Variants in ASB16 observed in about 807,000 individuals in gnomAD.
ASB16 encodes ankyrin repeat and SOCS box protein 16.
In ASB16, 44 loss-of-function variants were observed where a neutral mutation model predicts 39.1. The ratio of observed to expected loss-of-function variants is 1.13; its 90% CI spans 0.88 to 1.45. ASB16 has a LOEUF of 1.45. Ranked by LOEUF, ASB16 falls within the 40% of genes most tolerant of loss-of-function variation. ASB16 has a pLI of 0.00. For synonymous variants in ASB16, 305 were observed against 286.7 expected, an observed-to-expected ratio of 1.06 and a Z score of -0.64; for missense variants, 698 against 634.5, an observed-to-expected ratio of 1.10 and a Z score of -1.07.
In ASB16 at chr17:44,178,261, G is replaced by T; in HGVS notation, c.1233G>T (p.Leu411=). The T allele has an allele frequency of 6.2e-7, 1 of 1,613,510 alleles. No homozygotes were observed. The highest frequency in any genetic ancestry group is 8.5e-7 in the Non-Finnish European group (1 of 1,179,956). ...ALCMVNQPRQ[L]QHLARLAVRA... is the part of the protein sequence containing the mutation. ...GCATGGTGAACCAGCCAAGGCAGCT[G>T]CAGCACCTGGCCCGACTAGCTGTGC... The change falls in exon 5 of 5, where the codon CTG becomes CTT. Residue 411 remains leucine (L), a synonymous_variant. Coordinates refer to ENST00000293414, the MANE Select transcript of ASB16 (RefSeq NM_080863.5).
In ASB16 at chr17:44,177,118, G is replaced by A. The variant is rs1037163759; in HGVS notation, c.950G>A (p.Gly317Asp). Residue 317 changes from glycine (G) to aspartate (D), a missense_variant, in exon 3 of 5, where the codon GGC becomes GAC. By Grantham distance (94) the Gly-to-Asp change is moderately conservative (BLOSUM62 -1). Coordinates refer to ENST00000293414, the MANE Select transcript of ASB16 (RefSeq NM_080863.5). ...CGCGCTGAGGTCCCCAATGGGGCGG[G>A]CCACACGCCCATGGACTGTGCGCTG... ...GARAEVPNGA[G>D]HTPMDCALQA... The A allele has an allele frequency of 6.7e-7, 1 of 1,490,220 alleles. No individual in the cohort carries two copies. 92.3% of individuals were successfully genotyped at this position (1,490,220 alleles called of 1,614,324 possible). A position where few individuals can be genotyped will look rare whatever the true frequency, so the allele number is the denominator to read the frequency against.
intron 2 of ASB16, among the ~76,000 whole-genome samples, chr17:44,175,394 T>G (rs2054279345): frequency 1.2e-5 from 1 of 85,808 alleles, no homozygotes; most frequent in Non-Finnish European, 2.0e-5. Context: ...AGAATGAGAC[T>G]CCATCTAAAA....
intron 4 of ASB16, 61 bp from the exon 5 acceptor site, chr17:44,178,144 G>A (rs901651506): frequency 9.5e-6 from 15 of 1,576,420 alleles, no homozygotes; most frequent in Admixed American, 3.4e-5. Context: ...GACCCCCACC[G>A]CTGGGTTGCC....
At position 44,177,057 on chromosome 17, in the gene ASB16, G is replaced by A. The variant is rs768969452; in HGVS notation, c.889G>A (p.Gly297Arg). 12 of 1,473,116 alleles carry A rather than the reference G, an allele frequency of 8.1e-6. No homozygotes were observed. The highest frequency in any genetic ancestry group is 7.4e-5 in the African/African-American group (5 of 67,406). The allele number at this position is 1,473,116 out of a possible 1,614,324, so 91.3% of individuals were successfully genotyped here. A position where few individuals can be genotyped will look rare whatever the true frequency, so the allele number is the denominator to read the frequency against. ...GCACAACGCTTGTGCCAACGGCTGC[G>A]GGGGCCTGGCCGAGCTGCTGCTGCG... is the stretch of plus-strand genomic sequence containing the variant. ...PLHNACANGC[G>R]GLAELLLRYG... Residue 297 changes from glycine to arginine, a missense_variant, in exon 3 of 5, where the codon GGG becomes AGG. Coordinates refer to ENST00000293414, the MANE Select transcript of ASB16 (RefSeq NM_080863.5).
rs1197687884 is a variant in ASB16, at chr17:44,172,206, CCA to C, written c.463_464del (p.Gln155ValfsTer2). ...AALHEACARA[Q>X]FDCVRLLLTF... ...CCTTGCATGAGGCCTGTGCCCGAGCCCAGTTTGACTGTGTGCGGCTGCTGCTG... is the reference window on the plus strand; with the variant it reads ...CCTTGCATGAGGCCTGTGCCCGAGCCGTTTGACTGTGTGCGGCTGCTGCTG... On this transcript the variant is annotated frameshift_variant, in exon 2 of 5. Coordinates refer to ENST00000293414, the MANE Select transcript of ASB16 (RefSeq NM_080863.5). LOFTEE classifies it high-confidence loss of function. The C allele has an allele frequency of 1.9e-6, 3 of 1,613,534 alleles. No individual in the cohort carries two copies. Among genetic ancestry groups the C allele is most frequent in the African/African-American group, 2.7e-5 (2 of 74,918 alleles).
intron 3 of ASB16, 88 bp downstream of exon 3, chr17:44,177,318 C>A (rs1458637715): frequency 2.1e-6 from 3 of 1,440,046 alleles, no homozygotes; most frequent in Admixed American, 5.7e-5. Flanking sequence ...ACAGAGGGTC[C>A]AAGAGACTGA....
At chr17:44,175,179 C>T (rs2054277365) in intron 2 of ASB16, among the ~76,000 whole-genome samples, 1 of 149,602 alleles carries the variant, frequency 6.7e-6, no homozygotes, top group African/African-American at 2.5e-5. Context: ...GTGGGTGGAT[C>T]ACGAGGTCAG....
In ASB16 at chr17:44,178,378, G is replaced by T. The variant is rs767201899; in HGVS notation, c.1350G>T (p.Gly450=). Reference sequence around the variant, plus strand: ...ACTACCTGCTGCTGCGTGTGGAGGGGTGCATCCAGTGAACCCCATGTCAGG... The same window carrying T: ...ACTACCTGCTGCTGCGTGTGGAGGGTTGCATCCAGTGAACCCCATGTCAGG... The part of the protein sequence containing the change: ...LRDYLLLRVE[G]CIQ Residue 450 remains glycine (G), a synonymous_variant, in exon 5 of 5, where the codon GGG becomes GGT. Transcript: ENST00000293414. The T allele has an allele frequency of 6.3e-7, 1 of 1,598,208 alleles. No homozygotes were observed. Among genetic ancestry groups the T allele is most frequent in the South Asian group, 1.1e-5 (1 of 89,188 alleles).
chr17:44,173,391 C>CAA (rs960017501), intron 2 of ASB16, among the ~76,000 whole-genome samples: 47 of 133,750 alleles, frequency 3.5e-4, no homozygotes, highest in African/African-American at 1.2e-3. Flanking sequence ...GACTCCATCT[C>CAA]AAAAAAAAAA....
chr17:44,170,941 G>C lies in ASB16; in HGVS notation c.152G>C (p.Arg51Thr). The C allele has an allele frequency of 6.2e-7, 1 of 1,613,536 alleles. No homozygotes were observed. Residue 51 changes from arginine to threonine, a missense_variant, in exon 1 of 5, where the codon AGG becomes ACG. Transcript: ENST00000293414. ...CPSSPRARLT[R>T]PHRSCRDPAV... ...TCAAGTCCCCGGGCCCGACTCACTA[G>C]GCCTCACCGTTCCTGCCGAGACCCA...
At chr17:44,171,229 TAAAC>T (rs2054240541) in intron 1 of ASB16, 139 bp downstream of exon 1, 2 of 922,086 alleles carry the variant, frequency 2.2e-6, no homozygotes, top group East Asian at 5.4e-5. Flanking sequence ...AGCTCCCTCC[TAAAC>T]AGAGATGAGG....
Position 44,176,928 on chromosome 17 carries a change from G to A in ASB16, c.760G>A (p.Ala254Thr), listed in dbSNP as rs749587409. The stretch of plus-strand genomic sequence containing the variant: ...TGCGCTGAACACGGCGTGCGCTGGG[G>A]CCGAGGGCCCAGGTAGCTGCAGGCG... The part of the protein sequence containing the change: ...ETALNTACAG[A>T]EGPGSCRRHQ... The change falls in exon 3 of 5, where the codon GCC becomes ACC. Residue 254 changes from alanine (A) to threonine (T), a missense_variant. Transcript: ENST00000293414. 9 of 1,541,374 alleles carry A rather than the reference G, an allele frequency of 5.8e-6. No individual in the cohort carries two copies. Among genetic ancestry groups the A allele is most frequent in the Admixed American group, 4.1e-5 (2 of 48,358 alleles).
chr17:44,176,870 C>G lies in ASB16; in HGVS notation c.702C>G (p.Ala234=), dbSNP rs763351913. 6.2e-7 allele frequency: 1 copy of G among 1,606,968 alleles called. No individual in the cohort carries two copies. The highest frequency in any genetic ancestry group is 2.2e-5 in the East Asian group (1 of 44,786). The change falls in exon 3 of 5, where the codon GCC becomes GCG. Residue 234 remains alanine (A), a synonymous_variant. Coordinates refer to ENST00000293414, the MANE Select transcript of ASB16 (RefSeq NM_080863.5). ...TGGCTCTGTACCTGGAGCATGGCGC[C>G]GACGTGGGCCTGCGCACCAGCCAGG... ...QHVALYLEHG[A]DVGLRTSQGE...
In ASB16 at chr17:44,171,197, A is replaced by T. The variant is rs1313424033; in HGVS notation, c.301+107A>T. The T allele has an allele frequency of 1.2e-5, 14 of 1,197,272 alleles. No individual in the cohort carries two copies. The East Asian group carries it at 3.6e-4, about 30-fold the overall frequency. 74.2% of individuals were successfully genotyped at this position (1,197,272 alleles called of 1,614,324 possible). A position where few individuals can be genotyped will look rare whatever the true frequency, so the allele number is the denominator to read the frequency against. On this transcript the variant is annotated intron_variant, in intron 1 of 4. Coordinates refer to ENST00000293414, the MANE Select transcript of ASB16 (RefSeq NM_080863.5). ...TTCCCTGCAGACCACAGACTATAGC[A>T]GCCCTTTCCACCACCTATCCTAGCT... is the stretch of plus-strand genomic sequence containing the variant.
At chr17:44,175,666 A>G in intron 2 of ASB16, among the ~76,000 whole-genome samples, 1 of 152,118 alleles carries the variant, frequency 6.6e-6, no homozygotes, top group South Asian at 2.1e-4. Context: ...TTTTAATTAT[A>G]AGTTACTGTT....
chr17:44,170,920 G>A lies in ASB16; in HGVS notation c.131G>A (p.Ser44Asn), dbSNP rs1457148344. Reference sequence around the variant, plus strand: ...TGCCGGAGCCGCAGGTGCCCGTCAAGTCCCCGGGCCCGACTCACTAGGCCT... The same window carrying A: ...TGCCGGAGCCGCAGGTGCCCGTCAAATCCCCGGGCCCGACTCACTAGGCCT... ...QQCRSRRCPS[S>N]PRARLTRPHR... Residue 44 changes from serine (S) to asparagine (N), a missense_variant, in exon 1 of 5, where the codon AGT becomes AAT. Transcript: ENST00000293414. 4 of 1,612,860 alleles carry A rather than the reference G, an allele frequency of 2.5e-6. No individual in the cohort carries two copies. The highest frequency in any genetic ancestry group is 3.4e-6 in the Non-Finnish European group (4 of 1,179,868).
chr17:44,172,086 C>T lies in ASB16; in HGVS notation c.342C>T (p.Pro114=), dbSNP rs1442363934. The T allele has an allele frequency of 6.2e-7, 1 of 1,611,814 alleles. No homozygotes were observed. Residue 114 remains proline (P), a synonymous_variant, in exon 2 of 5, where the codon CCC becomes CCT. Transcript: ENST00000293414. ...VLTPKTKQTA[P]LAIATARGYT... ...CCCCCAAGACCAAGCAGACGGCACC[C>T]CTCGCCATCGCTACAGCCCGAGGCT...
chr17:44,171,769 A>G (rs538019520), intron 1 of ASB16, among the ~76,000 whole-genome samples: 2 of 152,222 alleles, frequency 1.3e-5, no homozygotes, highest in South Asian at 4.2e-4. Flanking sequence ...CACTCTACTT[A>G]GTTGGCCCCT....
At chr17:44,178,116 C>T in intron 4 of ASB16, 89 bp from the exon 5 acceptor site, 3 of 1,379,588 alleles carry the variant, frequency 2.2e-6, no homozygotes, top group Non-Finnish European at 3.0e-6. Context: ...CAGGTGGGTG[C>T]ATGCTGCAAA....
Sources: allele counts gnomAD v4.1 joint callset (sites outside exome capture counted in the v4.1 genomes callset), GRCh38; gene constraint gnomAD v4.1.1; transcripts MANE v1.5; gene names NCBI Gene and HGNC (gene_info 2026-07-23, HGNC 2026-07-21).